The following ROS1 variants were observed in gnomAD, a reference collection of about 807,000 sequenced individuals.
The protein encoded by ROS1 is ROS proto-oncogene 1, receptor tyrosine kinase.
In ROS1, 263 loss-of-function variants were observed where a neutral mutation model predicts 273.5. The ratio of observed to expected loss-of-function variants is 0.96; its 90% CI spans 0.87 to 1.06. The LOEUF is 1.06. Among genes scored for constraint, ROS1 ranks in the 50% least tolerant of loss-of-function variants. The pLI, the probability that ROS1 is intolerant of heterozygous loss-of-function variation, is 0.00. For synonymous variants in ROS1, 1,008 were observed against 954.1 expected (o/e 1.06, Z -1.04); for missense variants, 2,833 against 2,751.1 (o/e 1.03, Z -0.67).
At chr6:117,336,509 CT>C (rs1235694918) in intron 32 of ROS1, among the ~76,000 whole-genome samples, 2 of 152,098 alleles carry the variant, frequency 1.3e-5, no homozygotes, top group African/African-American at 4.8e-5. Flanking sequence ...TATCTCATTC[CT>C]TTTTATGGCT....
chr6:117,408,972 C>T (rs576076839), intron 5 of ROS1, among the ~76,000 whole-genome samples: 5 of 149,576 alleles, frequency 3.3e-5, no homozygotes, highest in African/African-American at 1.2e-4. Context: ...GGACAAAAAA[C>T]CAAACACTGC....
At chr6:117,315,614 C>G (rs1306946046) in intron 39 of ROS1, among the ~76,000 whole-genome samples, 1 of 151,940 alleles carries the variant, frequency 6.6e-6, no homozygotes, top group Non-Finnish European at 1.5e-5. Flanking sequence ...AAATTATCAA[C>G]CAAGTGTGAG....
chr6:117,345,879 C>G (rs1387264037), intron 27 of ROS1, among the ~76,000 whole-genome samples: 1 of 152,090 alleles, frequency 6.6e-6, no homozygotes, highest in Admixed American at 6.6e-5. Context: ...TCTGGGAATT[C>G]CAAATATGAA....
intron 17 of ROS1, among the ~76,000 whole-genome samples, 173 bp from the exon 18 acceptor site, chr6:117,379,332 T>G (rs1562337782): frequency 6.6e-6 from 1 of 152,192 alleles, no homozygotes; most frequent in East Asian, 1.9e-4. Context: ...CTTATTACTG[T>G]TATTTGGATA....
At chr6:117,353,563 T>C (rs1342155174) in intron 26 of ROS1, among the ~76,000 whole-genome samples, 1 of 152,198 alleles carries the variant, frequency 6.6e-6, no homozygotes, top group Non-Finnish European at 1.5e-5. Flanking sequence ...TTCTCAATAT[T>C]TTTATCAGTG....
intron 7 of ROS1, among the ~76,000 whole-genome samples, chr6:117,402,327 C>T (rs893536769): frequency 1.3e-5 from 2 of 152,092 alleles, no homozygotes; most frequent in Non-Finnish European, 2.9e-5. Context: ...CTGAAACTCT[C>T]TATGTGAGAT....
intron 18 of ROS1, among the ~76,000 whole-genome samples, chr6:117,373,063 A>C (rs2128673963): frequency 6.6e-6 from 1 of 152,262 alleles, no homozygotes; most frequent in Admixed American, 6.5e-5. Context: ...CTAGACATAA[A>C]AGTTCTCCAA....
At chr6:117,328,386 T>G in intron 33 of ROS1, 1 of 283,886 alleles carries the variant, frequency 3.5e-6, no homozygotes, top group East Asian at 5.1e-5. Flanking sequence ...ACCTGATTGA[T>G]GAACATCATT....
At chr6:117,359,146 C>T (rs1295722714) in intron 24 of ROS1, among the ~76,000 whole-genome samples, 1 of 152,150 alleles carries the variant, frequency 6.6e-6, no homozygotes. Flanking sequence ...TCAGCCTTCA[C>T]CTGTCTCATC....
intron 32 of ROS1, among the ~76,000 whole-genome samples, chr6:117,335,083 A>G (rs1318130083): frequency 6.6e-6 from 1 of 152,202 alleles, no homozygotes; most frequent in African/African-American, 2.4e-5. Context: ...AAATTTTGCA[A>G]TCTATCCATC....
At chr6:117,369,798 A>G (rs1182289352) in intron 18 of ROS1, among the ~76,000 whole-genome samples, 1 of 152,198 alleles carries the variant, frequency 6.6e-6, no homozygotes, top group African/African-American at 2.4e-5. Flanking sequence ...CATACTTGAT[A>G]TGAAGTAATT....
intron 40 of ROS1, among the ~76,000 whole-genome samples, chr6:117,310,500 C>T (rs568021294): frequency 6.6e-6 from 1 of 151,896 alleles, no homozygotes; most frequent in East Asian, 1.9e-4. Flanking sequence ...AGATTTTAAG[C>T]CCTGCCTGCA....
Position 117,396,841 on chromosome 6 carries a change from C to A in ROS1, c.806+74G>T, listed in dbSNP as rs1773524214. On this transcript the variant is annotated intron_variant, in intron 8 of 43. Transcript: ENST00000368507. ...CAAAGCACATTTAAACTATTTGATA[C>A]CCATATTTCTTAAATAATTATCATG... is the stretch of plus-strand genomic sequence containing the variant. 9 of 1,048,620 alleles carry A rather than the reference C, an allele frequency of 8.6e-6. No homozygotes were observed. The East Asian group carries it at 2.1e-4, about 25-fold the overall frequency. 65.0% of individuals were successfully genotyped at this position (1,048,620 alleles called of 1,614,324 possible).
At chr6:117,329,187 G>A (rs926917588) in intron 33 of ROS1, 142 bp downstream of exon 33, 3 of 605,894 alleles carry the variant, frequency 5.0e-6, no homozygotes, top group East Asian at 5.4e-5. Context: ...AGCAAAGAAC[G>A]TAATGATGCA....
At chr6:117,378,972 T>G in intron 18 of ROS1, 87 bp downstream of exon 18, 1 of 805,828 alleles carries the variant, frequency 1.2e-6, no homozygotes, top group Non-Finnish European at 2.1e-6. Flanking sequence ...AAATGTTTAT[T>G]GAAGGAATAA....
chr6:117,310,429 A>T, intron 40 of ROS1, 148 bp from the exon 41 acceptor site: 1 of 585,698 alleles, frequency 1.7e-6, no homozygotes, highest in Non-Finnish European at 2.9e-6. Flanking sequence ...CTGAACATGA[A>T]GTTTGTTACA....
chr6:117,396,897 G>A lies in ROS1; in HGVS notation c.806+18C>T, dbSNP rs750961805. ...AGCCATGCTGGTTACATTTTCCTCT[G>A]TATCACTTAATTCTTACCTGTAGAT... On this transcript the variant is annotated intron_variant, in intron 8 of 43. Transcript: ENST00000368507. 29 of 1,554,770 alleles carry A rather than the reference G, an allele frequency of 1.9e-5. No homozygotes were observed. In the East Asian group the frequency reaches 5.4e-4, roughly 29 times the overall value.
intron 43 of ROS1, among the ~76,000 whole-genome samples, chr6:117,300,670 G>A (rs949401523): frequency 4.6e-5 from 7 of 152,168 alleles, no homozygotes; most frequent in African/African-American, 1.7e-4. Flanking sequence ...CCAAACTGGT[G>A]TGTGGGGGGA....
chr6:117,356,571 G>A (rs2128643431), intron 26 of ROS1, 58 bp downstream of exon 26: 2 of 1,454,830 alleles, frequency 1.4e-6, no homozygotes, highest in Non-Finnish European at 1.9e-6. Context: ...CTTTGTAAAT[G>A]CAGTTGAAGG....
Sources: allele counts gnomAD v4.1 joint callset (sites outside exome capture counted in the v4.1 genomes callset), GRCh38; gene constraint gnomAD v4.1.1; transcripts MANE v1.5; gene names NCBI Gene and HGNC (gene_info 2026-07-23, HGNC 2026-07-21).